Variants in GLIS3 observed in about 807,000 individuals in gnomAD.
The protein encoded by GLIS3 is GLIS family zinc finger 3.
A neutral mutation model predicts 78.6 loss-of-function variants in GLIS3; 53 were observed. The observed-to-expected ratio is 0.67, with a 90% CI of 0.54 to 0.85. The LOEUF (loss-of-function observed/expected upper bound fraction) is 0.85, where lower values mean the gene tolerates loss of function less well. Ranked by LOEUF, GLIS3 falls within the 40% of genes least tolerant of loss-of-function variation. The pLI, the probability that GLIS3 is intolerant of heterozygous loss-of-function variation, is 0.00. For missense variants in GLIS3, 1,703 were observed against 1,231.1 expected, an observed-to-expected ratio of 1.38 and a Z score of -5.74; for synonymous variants, 684 against 509.9, an observed-to-expected ratio of 1.34 and a Z score of -4.60.
intron 4 of GLIS3, among the ~76,000 whole-genome samples, chr9:3,981,515 G>T (rs879284677): frequency 6.6e-6 from 1 of 152,098 alleles, no homozygotes; most frequent in Non-Finnish European, 1.5e-5. Context: ...CATGAGTCCG[G>T]GTTAAGTGCC....
intron 2 of GLIS3, among the ~76,000 whole-genome samples, chr9:4,134,748 A>G (rs554670282): frequency 4.6e-5 from 7 of 152,196 alleles, no homozygotes. Flanking sequence ...GCCATTTTTT[A>G]AAAAAGGAAC....
At chr9:4,105,006 T>C (rs962158034) in intron 4 of GLIS3, among the ~76,000 whole-genome samples, 1 of 152,216 alleles carries the variant, frequency 6.6e-6, no homozygotes, top group Non-Finnish European at 1.5e-5. Context: ...CATGCACACC[T>C]ATAATTAGAT....
At chr9:4,396,027 C>A in the GLIS3 span, among the ~76,000 whole-genome samples, 2 of 152,022 alleles carry the variant, frequency 1.3e-5, no homozygotes, top group Non-Finnish European at 2.9e-5. Context: ...CTGCCTCGGC[C>A]TCCCAAAGTG....
chr9:4,327,340 G>A (rs909775573), intron 2 of GLIS3, among the ~76,000 whole-genome samples: 2 of 152,138 alleles, frequency 1.3e-5, no homozygotes, highest in African/African-American at 4.8e-5. Context: ...TTAGAGTAGG[G>A]GAAGAGGGAG....
the GLIS3 span, among the ~76,000 whole-genome samples, chr9:4,465,565 G>T: frequency 6.6e-6 from 1 of 152,022 alleles, no homozygotes; most frequent in Non-Finnish European, 1.5e-5. Flanking sequence ...ATATAAAAAA[G>T]AAAAGATAAT....
At chr9:3,914,317 T>C (rs1007252299) in intron 6 of GLIS3, among the ~76,000 whole-genome samples, 1 of 125,360 alleles carries the variant, frequency 8.0e-6, no homozygotes, top group African/African-American at 3.1e-5. Context: ...GGCTAAGTTT[T>C]TTCAGATTTT....
At chr9:4,248,557 C>T (rs549024789) in intron 2 of GLIS3, among the ~76,000 whole-genome samples, 2 of 152,232 alleles carry the variant, frequency 1.3e-5, no homozygotes, top group African/African-American at 4.8e-5. Context: ...TATATGTGTG[C>T]ATGTGTCTTT....
At chr9:3,943,943 G>C (rs900716758) in intron 4 of GLIS3, among the ~76,000 whole-genome samples, 1 of 152,108 alleles carries the variant, frequency 6.6e-6, no homozygotes, top group African/African-American at 2.4e-5. Flanking sequence ...TATTATTCTG[G>C]TGTACAAAAT....
intron 2 of GLIS3, among the ~76,000 whole-genome samples, chr9:4,213,506 CACTA>C (rs1312545783): frequency 6.6e-6 from 1 of 152,182 alleles, no homozygotes; most frequent in Non-Finnish European, 1.5e-5. Context: ...CTATGGTTGC[CACTA>C]ACTACGTGTA....
the GLIS3 span, among the ~76,000 whole-genome samples, chr9:4,416,260 A>ATTT: frequency 4.1e-5 from 6 of 146,844 alleles, no homozygotes; most frequent in South Asian, 2.1e-4. Context: ...TTTAAAAAAA[A>ATTT]AAAAAAAAAA....
the GLIS3 span, among the ~76,000 whole-genome samples, chr9:4,372,682 T>C: frequency 6.6e-6 from 1 of 152,204 alleles, no homozygotes; most frequent in Non-Finnish European, 1.5e-5. Context: ...GAAAGTCTTG[T>C]GGCTTGGGGA....
chr9:3,856,263 T>A (rs995205515), intron 8 of GLIS3, 79 bp from the exon 9 acceptor site: 4 of 1,267,452 alleles, frequency 3.2e-6, no homozygotes, highest in Non-Finnish European at 4.5e-6. Context: ...AGCCAAATTC[T>A]CACCTCCCAT....
chr9:4,334,313 C>A (rs1443666249), intron 2 of GLIS3, among the ~76,000 whole-genome samples: 1 of 152,146 alleles, frequency 6.6e-6, no homozygotes, highest in African/African-American at 2.4e-5. Context: ...AGAGAGATCA[C>A]AGAACCTCTC....
the GLIS3 span, among the ~76,000 whole-genome samples, chr9:4,408,659 G>A: frequency 2.8e-5 from 4 of 141,706 alleles, no homozygotes; most frequent in Non-Finnish European, 4.6e-5. Context: ...CCCGGGAGGC[G>A]GAGCTTGCAG....
At chr9:4,297,431 C>G (rs1816639173) in intron 1 of GLIS3, among the ~76,000 whole-genome samples, 1 of 152,182 alleles carries the variant, frequency 6.6e-6, no homozygotes, top group Non-Finnish European at 1.5e-5. Flanking sequence ...ATAGTCTCTC[C>G]TCGAGATTCC....
At chr9:4,043,799 G>A (rs1165324466) in intron 4 of GLIS3, among the ~76,000 whole-genome samples, 2 of 152,214 alleles carry the variant, frequency 1.3e-5, no homozygotes, top group African/African-American at 2.4e-5. Flanking sequence ...ACAAAAGAGA[G>A]AAGAGTAATT....
At chr9:4,357,334 C>T in the GLIS3 span, among the ~76,000 whole-genome samples, 10 of 152,304 alleles carry the variant, frequency 6.6e-5, no homozygotes, top group African/African-American at 2.4e-4. Flanking sequence ...CCCCTGGAAG[C>T]TTTAATAGAA....
chr9:4,369,378 CAAT>C, the GLIS3 span, among the ~76,000 whole-genome samples: 1 of 152,162 alleles, frequency 6.6e-6, no homozygotes, highest in Non-Finnish European at 1.5e-5. Flanking sequence ...AAAATAAGAA[CAAT>C]AATACCAATT....
At chr9:4,183,062 C>A (rs1160644918) in intron 2 of GLIS3, among the ~76,000 whole-genome samples, 1 of 152,196 alleles carries the variant, frequency 6.6e-6, no homozygotes, top group African/African-American at 2.4e-5. Flanking sequence ...CACGTGCTGT[C>A]TGGAAGTCAT....
Sources: allele counts gnomAD v4.1 joint callset (sites outside exome capture counted in the v4.1 genomes callset), GRCh38; gene constraint gnomAD v4.1.1; transcripts MANE v1.5; gene names NCBI Gene and HGNC (gene_info 2026-07-23, HGNC 2026-07-21).